TMC1: variants seen among roughly 807,000 people sequenced by gnomAD.
TMC1 encodes transmembrane channel like 1, also known as transmembrane channel-like protein 1.
TMC1 carries 84 observed loss-of-function variants against 105.8 expected under a neutral mutation model. The ratio of observed to expected loss-of-function variants is 0.79; its 90% CI spans 0.67 to 0.95. The LOEUF (loss-of-function observed/expected upper bound fraction) is 0.95, where lower values mean the gene tolerates loss of function less well. TMC1 is among the 40% of genes least tolerant of loss of function. TMC1 has a pLI of 0.00. For synonymous variants in TMC1, 315 were observed against 311.5 expected (o/e 1.01, Z -0.12); for missense variants, 817 against 914.1 (o/e 0.89, Z 1.37).
intron 5 of TMC1, 88 bp downstream of exon 5, chr9:72,648,752 C>A: frequency 8.1e-7 from 1 of 1,233,382 alleles, no homozygotes; most frequent in Non-Finnish European, 1.2e-6. Context: ...GTTTGTTTTA[C>A]AATTTTTGTT....
At chr9:72,770,154 C>T (rs1827901780) in intron 12 of TMC1, among the ~76,000 whole-genome samples, 1 of 151,980 alleles carries the variant, frequency 6.6e-6, no homozygotes. Flanking sequence ...GAGATTAGCT[C>T]ACCCACTCCC....
chr9:72,637,230 A>T (rs912468394), intron 4 of TMC1, among the ~76,000 whole-genome samples: 3 of 151,396 alleles, frequency 2.0e-5, no homozygotes, highest in Non-Finnish European at 4.4e-5. Context: ...GGTTATTATT[A>T]TTTTTTTGTT....
intron 7 of TMC1, 115 bp from the exon 8 acceptor site, chr9:72,700,403 C>A (rs559717525): frequency 4.0e-6 from 3 of 759,324 alleles, no homozygotes; most frequent in African/African-American, 1.8e-5. Flanking sequence ...CTAATGTTGA[C>A]TGCATATGGT....
At chr9:72,680,744 A>T (rs1158736326) in intron 5 of TMC1, among the ~76,000 whole-genome samples, 2 of 152,080 alleles carry the variant, frequency 1.3e-5, no homozygotes, top group Admixed American at 1.3e-4. Context: ...TTTGGAAGAC[A>T]CTCATTAACA....
chr9:72,638,813 G>A (rs1037031), intron 4 of TMC1, among the ~76,000 whole-genome samples: 35,357 of 151,960 alleles, frequency 0.23, 4,385 homozygotes, highest in East Asian at 0.38. Context: ...TTCTGAGAAC[G>A]GTCAAGAGTT....
chr9:72,760,548 C>T (rs1827740238), intron 12 of TMC1, among the ~76,000 whole-genome samples: 3 of 152,156 alleles, frequency 2.0e-5, no homozygotes, highest in East Asian at 3.9e-4. Context: ...AATATGAAAA[C>T]ATTTGGATCC....
chr9:72,733,451 T>C (rs1827247715), intron 8 of TMC1, among the ~76,000 whole-genome samples: 1 of 152,008 alleles, frequency 6.6e-6, no homozygotes, highest in South Asian at 2.1e-4. Context: ...TGAGGGGAAA[T>C]GGGCTAGGGT....
At chr9:72,645,456 G>A (rs1023122571) in intron 4 of TMC1, among the ~76,000 whole-genome samples, 4 of 152,166 alleles carry the variant, frequency 2.6e-5, no homozygotes, top group Non-Finnish European at 5.9e-5. Context: ...CCAAGAGGTG[G>A]AAGTGGCCCA....
intron 11 of TMC1, among the ~76,000 whole-genome samples, chr9:72,753,659 G>A (rs1588066447): frequency 6.6e-6 from 1 of 152,108 alleles, no homozygotes; most frequent in Non-Finnish European, 1.5e-5. Context: ...AAAAGAACAA[G>A]AGAATGGACA....
intron 15 of TMC1, among the ~76,000 whole-genome samples, chr9:72,789,952 G>C (rs973023599): frequency 4.6e-5 from 7 of 152,130 alleles, no homozygotes; most frequent in Admixed American, 2.6e-4. Flanking sequence ...AAGAAGGCCA[G>C]CTCTTTTCCA....
intron 21 of TMC1, among the ~76,000 whole-genome samples, chr9:72,828,368 GT>G (rs551857279): frequency 2.4e-3 from 363 of 152,036 alleles, no homozygotes; most frequent in Non-Finnish European, 3.3e-3. Context: ...TCAGTATCCT[GT>G]GGCCTTTGAG....
intron 6 of TMC1, among the ~76,000 whole-genome samples, chr9:72,692,258 A>G (rs556967566): frequency 1.6e-4 from 24 of 152,320 alleles, no homozygotes; most frequent in African/African-American, 5.5e-4. Context: ...AATGTTGAAC[A>G]CATGGTTCAG....
At chr9:72,734,685 T>G (rs1289117186) in intron 8 of TMC1, among the ~76,000 whole-genome samples, 1 of 152,216 alleles carries the variant, frequency 6.6e-6, no homozygotes, top group African/African-American at 2.4e-5. Context: ...CAGTGTTTGT[T>G]ATGAAAAGAC....
chr9:72,788,433 A>G lies in TMC1; in HGVS notation c.979A>G (p.Asn327Asp). ...VFTSWDYLIG[N>D]PETADNKFNS... Reference sequence around the variant, plus strand: ...TACCAGCTGGGACTACCTGATCGGCAATCCTGAAACAGCAGACAACAAATT... The same window carrying G: ...TACCAGCTGGGACTACCTGATCGGCGATCCTGAAACAGCAGACAACAAATT... The change falls in exon 14 of 24, where the codon AAT becomes GAT. Residue 327 changes from asparagine to aspartate, a missense_variant. By Grantham distance (23) the Asn-to-Asp change is conservative. Coordinates refer to ENST00000297784, the MANE Select transcript of TMC1 (RefSeq NM_138691.3). The G allele has an allele frequency of 6.2e-7, 1 of 1,614,066 alleles. No individual in the cohort carries two copies. The highest frequency in any genetic ancestry group is 2.2e-5 in the East Asian group (1 of 44,868).
At chr9:72,601,045 T>C (rs958567377) in intron 2 of TMC1, among the ~76,000 whole-genome samples, 4 of 152,276 alleles carry the variant, frequency 2.6e-5, no homozygotes, top group African/African-American at 9.6e-5. Flanking sequence ...TCCAAAATGC[T>C]TGGGGCAAGC....
At chr9:72,832,720 T>A (rs1829060669) in intron 23 of TMC1, among the ~76,000 whole-genome samples, 1 of 152,100 alleles carries the variant, frequency 6.6e-6, no homozygotes, top group Admixed American at 6.5e-5. Context: ...TGCATAAATG[T>A]AAAGTTGAAT....
intron 1 of TMC1, among the ~76,000 whole-genome samples, chr9:72,545,137 T>TATATAC (rs1381058997): frequency 6.8e-6 from 1 of 148,078 alleles, no homozygotes; most frequent in Non-Finnish European, 1.5e-5. Context: ...GATATATATA[T>TATATAC]ACACACACAC....
At chr9:72,768,836 A>C (rs1827879477) in intron 12 of TMC1, among the ~76,000 whole-genome samples, 1 of 152,190 alleles carries the variant, frequency 6.6e-6, no homozygotes. Flanking sequence ...TTTTAATCCC[A>C]AAATTGTCAT....
At position 72,789,261 on chromosome 9, in the gene TMC1, TC is replaced by T; in HGVS notation, c.1171del (p.Gln391ArgfsTer19). ...GYLIFWAVKR[S>X]QEFAQQDPDT... ...CCTCATCTTTTGGGCTGTGAAGCGA[TC>T]CCAGGAATTTGCACAGCAAGATCCT... On this transcript the variant is annotated frameshift_variant, in exon 15 of 24. Coordinates refer to ENST00000297784, the MANE Select transcript of TMC1 (RefSeq NM_138691.3). LOFTEE classifies it high-confidence loss of function. 6.2e-7 allele frequency: 1 copy of T among 1,614,090 alleles called. No individual in the cohort carries two copies. Among genetic ancestry groups the T allele is most frequent in the Non-Finnish European group, 8.5e-7 (1 of 1,179,944 alleles).
Sources: allele counts gnomAD v4.1 joint callset (sites outside exome capture counted in the v4.1 genomes callset), GRCh38; gene constraint gnomAD v4.1.1; transcripts MANE v1.5; gene names NCBI Gene and HGNC (gene_info 2026-07-23, HGNC 2026-07-21).